The following SHISA9 variants were observed in gnomAD, a reference collection of about 807,000 sequenced individuals.
SHISA9 encodes protein shisa-9.
A neutral mutation model predicts 38.0 loss-of-function variants in SHISA9; 13 were observed. That is an observed-to-expected ratio of 0.34 (90% CI 0.22 to 0.54). The LOEUF (loss-of-function observed/expected upper bound fraction) is 0.54. Among genes scored for constraint, SHISA9 ranks in the 20% least tolerant of loss-of-function variants. SHISA9 has a pLI of 0.91. For synonymous variants in SHISA9, 275 were observed against 242.0 expected, an observed-to-expected ratio of 1.14 and a Z score of -1.27; for missense variants, 538 against 575.8, an observed-to-expected ratio of 0.93 and a Z score of 0.67.
intron 2 of SHISA9, among the ~76,000 whole-genome samples, chr16:12,987,151 T>A (rs1185537215): frequency 6.6e-6 from 1 of 152,186 alleles, no homozygotes; most frequent in Non-Finnish European, 1.5e-5. Context: ...GAAGTCTTGA[T>A]GGGGCTAAAG....
At chr16:12,931,767 C>T (rs1429476891) in intron 2 of SHISA9, among the ~76,000 whole-genome samples, 1 of 152,010 alleles carries the variant, frequency 6.6e-6, no homozygotes, top group African/African-American at 2.4e-5. Flanking sequence ...GGTATTTACC[C>T]AGTCATGGGA....
chr16:13,357,294 G>T, the SHISA9 span, among the ~76,000 whole-genome samples: 2 of 152,150 alleles, frequency 1.3e-5, no homozygotes, highest in African/African-American at 4.8e-5. Context: ...TGTCTCTTTT[G>T]TCTCTACTAG....
chr16:13,100,092 T>C (rs1336955389), intron 2 of SHISA9, among the ~76,000 whole-genome samples: 4 of 152,212 alleles, frequency 2.6e-5, no homozygotes, highest in African/African-American at 9.6e-5. Context: ...AGCCAGTGGC[T>C]GTTATGTAGG....
chr16:13,129,348 C>A (rs193179655), intron 2 of SHISA9, among the ~76,000 whole-genome samples: 1 of 152,164 alleles, frequency 6.6e-6, no homozygotes, highest in African/African-American at 2.4e-5. Flanking sequence ...CAGCTTTCAT[C>A]CTCTGGCTCC....
At chr16:13,087,594 T>A (rs555194072) in intron 2 of SHISA9, among the ~76,000 whole-genome samples, 1 of 152,372 alleles carries the variant, frequency 6.6e-6, no homozygotes, top group Admixed American at 6.5e-5. Context: ...GAGCATTTTT[T>A]CATGTGTCTG....
At chr16:13,474,465 AAAAC>A in the SHISA9 span, 1 of 152,216 alleles carries the variant, frequency 6.6e-6, no homozygotes, top group Admixed American at 6.5e-5. Context: ...TTTAATCTTC[AAAAC>A]TACAGTAAGA....
intron 2 of SHISA9, among the ~76,000 whole-genome samples, chr16:13,015,825 C>T (rs2072736261): frequency 7.4e-6 from 1 of 135,004 alleles, no homozygotes; most frequent in African/African-American, 2.5e-5. Flanking sequence ...TTGTTTGTTT[C>T]TCTCTCTCTC....
chr16:12,949,241 A>T (rs1021604358), intron 2 of SHISA9, among the ~76,000 whole-genome samples: 2 of 152,242 alleles, frequency 1.3e-5, no homozygotes, highest in African/African-American at 4.8e-5. Flanking sequence ...AGAGTGGGCA[A>T]GGAAGCAAGT....
In SHISA9 at chr16:13,083,972, G is replaced by A. The variant is rs149596983; in HGVS notation, c.692-119422G>A. On this transcript the variant is annotated intron_variant, in intron 2 of 4. Transcript: ENST00000558583. ...TGGGATTAACTCTAGTTTATAGACC[G>A]GAGAACTGAAGTCGAGAGATCAGGC... Among the ~76,000 whole-genome samples, 215 of 152,208 alleles carry A rather than the reference G, an allele frequency of 1.4e-3. 4 individuals are homozygous for A. The highest frequency in any genetic ancestry group is 6.8e-3 in the Middle Eastern group (2 of 294).
At chr16:13,075,271 T>C (rs1010297363) in intron 2 of SHISA9, among the ~76,000 whole-genome samples, 7 of 152,168 alleles carry the variant, frequency 4.6e-5, no homozygotes, top group African/African-American at 1.7e-4. Flanking sequence ...TGCTGCATAA[T>C]TACATACTTG....
intron 2 of SHISA9, among the ~76,000 whole-genome samples, chr16:12,920,680 AG>A (rs1219101285): frequency 1.3e-5 from 2 of 152,174 alleles, no homozygotes; most frequent in Non-Finnish European, 2.9e-5. Flanking sequence ...TAGTACACAG[AG>A]TTCTGTATAC....
the SHISA9 span, among the ~76,000 whole-genome samples, chr16:13,440,561 T>C: frequency 6.6e-6 from 1 of 152,058 alleles, no homozygotes; most frequent in Non-Finnish European, 1.5e-5. Flanking sequence ...GTTAACAGAG[T>C]CTCTTCTGCT....
chr16:13,551,856 G>A, the SHISA9 span, among the ~76,000 whole-genome samples: 5 of 152,224 alleles, frequency 3.3e-5, no homozygotes, highest in East Asian at 1.9e-4. Context: ...GTGAAACCCC[G>A]TCTCTACTGA....
Position 13,213,244 on chromosome 16 carries a change from T to C in SHISA9, c.848-9T>C. On this transcript the variant is annotated splice_polypyrimidine_tract_variant and intron_variant, in intron 3 of 4. Coordinates refer to ENST00000558583, the MANE Select transcript of SHISA9 (RefSeq NM_001145204.3). The stretch of plus-strand genomic sequence containing the variant: ...GATCATCAGCATTTCTTGATTGTTA[T>C]TTTTTTAGGAAGTTCTGATGGTGAC... 1 of 1,550,994 alleles carries C rather than the reference T, an allele frequency of 6.4e-7. No individual in the cohort carries two copies. Among genetic ancestry groups the C allele is most frequent in the Non-Finnish European group, 8.7e-7 (1 of 1,146,354 alleles).
chr16:13,325,585 T>G, the SHISA9 span, among the ~76,000 whole-genome samples: 2 of 152,306 alleles, frequency 1.3e-5, no homozygotes, highest in Admixed American at 6.5e-5. Context: ...GACTGAGAAG[T>G]TGCACAATCT....
the SHISA9 span, among the ~76,000 whole-genome samples, chr16:13,263,527 A>G: frequency 6.6e-6 from 1 of 152,216 alleles, no homozygotes; most frequent in Admixed American, 6.5e-5. Context: ...GCCTTCTGCC[A>G]TGATTGTAAG....
chr16:13,273,251 C>T, the SHISA9 span, among the ~76,000 whole-genome samples: 1 of 152,140 alleles, frequency 6.6e-6, no homozygotes, highest in Non-Finnish European at 1.5e-5. Context: ...ACGACATGTC[C>T]TAATAGACAC....
chr16:13,424,085 C>G, the SHISA9 span, among the ~76,000 whole-genome samples: 1 of 152,230 alleles, frequency 6.6e-6, no homozygotes, highest in African/African-American at 2.4e-5. Context: ...ATCCCATTCA[C>G]TGGCCCCACA....
the SHISA9 span, among the ~76,000 whole-genome samples, chr16:13,429,886 C>T: frequency 3.3e-5 from 5 of 152,130 alleles, no homozygotes; most frequent in Admixed American, 2.0e-4. Flanking sequence ...GTGTCTCCCC[C>T]AAATGTATAT....
Sources: allele counts gnomAD v4.1 joint callset (sites outside exome capture counted in the v4.1 genomes callset), GRCh38; gene constraint gnomAD v4.1.1; transcripts MANE v1.5; gene names NCBI Gene and HGNC (gene_info 2026-07-23, HGNC 2026-07-21).